Variants in CD8B observed in about 807,000 individuals in gnomAD.
CD8B encodes CD8 subunit beta.
Under a neutral mutation model 24.2 loss-of-function variants are expected in CD8B, and 6 were observed. The observed-to-expected ratio is 0.25, with a 90% CI of 0.14 to 0.49. CD8B has a LOEUF of 0.49. Ranked by LOEUF, CD8B falls within the 20% of genes least tolerant of loss-of-function variation. The probability of loss-of-function intolerance (pLI) is 0.98; values close to 1 mark genes in which losing one functional copy is unlikely to be tolerated. For missense variants in CD8B, 196 were observed against 271.3 expected (o/e 0.72, Z 1.95); for synonymous variants, 84 against 108.3 (o/e 0.78, Z 1.39).
intron 5 of CD8B, among the ~76,000 whole-genome samples, chr2:86,828,014 A>G (rs373062223): frequency 6.6e-6 from 1 of 152,158 alleles, no homozygotes; most frequent in African/African-American, 2.4e-5. Flanking sequence ...TATTTGAGTA[A>G]AGTCCTATCC....
chr2:86,846,461 C>T (rs1042038169), intron 4 of CD8B, among the ~76,000 whole-genome samples: 14 of 152,120 alleles, frequency 9.2e-5, no homozygotes, highest in East Asian at 5.8e-4. Flanking sequence ...GAAACAGCCA[C>T]GTTGCACTCA....
chr2:86,844,582 T>A (rs1412792076), intron 5 of CD8B: 11 of 1,351,732 alleles, frequency 8.1e-6, no homozygotes, highest in Non-Finnish European at 1.1e-5. Context: ...ACTGGTCAGG[T>A]TTTTGTTTGT....
chr2:86,858,426 G>T lies in CD8B; in HGVS notation c.44-10C>A, dbSNP rs941247728. The T allele has an allele frequency of 2.5e-6, 4 of 1,571,992 alleles. No individual in the cohort carries two copies. In the South Asian group the frequency reaches 3.6e-5, roughly 14 times the overall value. ...GAGTTGCCATGGAGAACTAGGAAAA[G>T]CCAAGAACAGAGACATCACACATTT... On this transcript the variant is annotated splice_polypyrimidine_tract_variant and intron_variant, in intron 1 of 5. Coordinates refer to ENST00000390655, the MANE Select transcript of CD8B (RefSeq NM_004931.5).
chr2:86,835,718 C>T (rs1210585771), downstream of CD8B, among the ~76,000 whole-genome samples: 3 of 150,852 alleles, frequency 2.0e-5, no homozygotes, highest in Non-Finnish European at 4.4e-5. Context: ...CCTCACCCAA[C>T]CGCAGAGACC....
At chr2:86,856,394 A>C (rs1428744043) in intron 2 of CD8B, among the ~76,000 whole-genome samples, 1 of 152,214 alleles carries the variant, frequency 6.6e-6, no homozygotes, top group Non-Finnish European at 1.5e-5. Flanking sequence ...CCCAAACCCC[A>C]AACTCCCAAA....
chr2:86,832,976 T>A (rs1313511049), intron 5 of CD8B: 1 of 76,716 alleles, frequency 1.3e-5, no homozygotes, highest in Non-Finnish European at 2.3e-5. Context: ...TCCCCTCCCC[T>A]CCCCTCCCCT....
At chr2:86,821,146 T>G (rs1417225340) in intron 5 of CD8B, among the ~76,000 whole-genome samples, 2 of 152,104 alleles carry the variant, frequency 1.3e-5, no homozygotes, top group African/African-American at 2.4e-5. Context: ...CTTTACTTTT[T>G]TTTTTTTTTT....
intron 5 of CD8B, among the ~76,000 whole-genome samples, chr2:86,821,141 C>CT (rs200332790): frequency 0.032 from 4,305 of 133,446 alleles, 115 homozygotes; most frequent in East Asian, 0.13. Context: ...ATCAACTTTA[C>CT]TTTTTTTTTT....
intron 3 of CD8B, among the ~76,000 whole-genome samples, chr2:86,851,575 A>G (rs961184073): frequency 6.6e-6 from 1 of 152,184 alleles, no homozygotes; most frequent in African/African-American, 2.4e-5. Flanking sequence ...ATGTGACGGC[A>G]GCTTCCCACC....
At chr2:86,837,835 C>T (rs1675241433), downstream of CD8B, among the ~76,000 whole-genome samples, 1 of 152,080 alleles carries the variant, frequency 6.6e-6, no homozygotes, top group Non-Finnish European at 1.5e-5. Flanking sequence ...CTCCCAGACC[C>T]ATTAAGGTCC....
intron 5 of CD8B, 124 bp from the exon 6 acceptor site, chr2:86,842,443 T>G: frequency 7.7e-7 from 1 of 1,293,992 alleles, no homozygotes. Context: ...GGGCCGAGAG[T>G]TTTTTGTTAG....
At position 86,842,025 on chromosome 2, in the gene CD8B, G is replaced by T; in HGVS notation, c.*282C>A. 1 of 1,189,774 alleles carries T rather than the reference G, an allele frequency of 8.4e-7. No homozygotes were observed. The highest frequency in any genetic ancestry group is 4.2e-5 in the East Asian group (1 of 24,096). 73.7% of individuals were successfully genotyped at this position (1,189,774 alleles called of 1,614,324 possible). A position where few individuals can be genotyped will look rare whatever the true frequency, so the allele number is the denominator to read the frequency against. ...CAGTTCAGGGAAAGCACAGGAGCCG[G>T]AAGCGGTGGCATGGGCAGCATTTCT... On this transcript the variant is annotated 3_prime_UTR_variant, in exon 6 of 6. Coordinates refer to ENST00000390655, the MANE Select transcript of CD8B (RefSeq NM_004931.5).
In CD8B at chr2:86,815,680, T is replaced by C. The variant is rs771961718; in HGVS notation, c.659A>G (p.Gln220Arg). The change falls in exon 6 of 6, where the codon CAA becomes CGA. Residue 220 changes from glutamine (Q) to arginine (R), a missense_variant. Gln to Arg is a conservative substitution (Grantham distance 43). Coordinates refer to the CD8B transcript ENST00000331469. ...ATTGCTGTAGTATCCATGCAGGCAT[T>C]GGGGGACAAAGGTTCCTGATATACC... 6.2e-6 allele frequency: 10 copies of C among 1,613,158 alleles called. No homozygotes were observed. In the East Asian group the frequency reaches 1.6e-4, roughly 25 times the overall value.
chr2:86,861,576 C>T (rs2104594091), intron 1 of CD8B, among the ~76,000 whole-genome samples: 1 of 152,318 alleles, frequency 6.6e-6, no homozygotes, highest in Admixed American at 6.5e-5. Context: ...CCTTCTCCTG[C>T]GTCCAGGCTT....
At chr2:86,835,138 G>C (rs1415392388), downstream of CD8B, among the ~76,000 whole-genome samples, 1 of 152,162 alleles carries the variant, frequency 6.6e-6, no homozygotes, top group Non-Finnish European at 1.5e-5. Context: ...AGATGGAACT[G>C]CCAGAGTGAG....
At chr2:86,833,743 T>C (rs1362982970), downstream of CD8B, among the ~76,000 whole-genome samples, 1 of 150,146 alleles carries the variant, frequency 6.7e-6, no homozygotes, top group African/African-American at 2.4e-5. Flanking sequence ...CTCAAACTTC[T>C]GGACTAAAGT....
chr2:86,851,820 G>T (rs969786934), intron 3 of CD8B, among the ~76,000 whole-genome samples: 6 of 152,108 alleles, frequency 3.9e-5, no homozygotes, highest in Admixed American at 6.5e-5. Flanking sequence ...CGTGTGCATG[G>T]GCATGTGTGT....
intron 2 of CD8B, among the ~76,000 whole-genome samples, chr2:86,857,649 A>G (rs1158141880): frequency 1.3e-5 from 2 of 152,096 alleles, no homozygotes; most frequent in African/African-American, 4.8e-5. Context: ...GAACCCGGGA[A>G]GCAGAGGCTG....
intron 5 of CD8B, chr2:86,822,236 A>T: frequency 8.5e-6 from 2 of 234,664 alleles, no homozygotes; most frequent in South Asian, 1.8e-4. Flanking sequence ...CCCCAGCAGG[A>T]AAAAAAAAAA....
Sources: allele counts gnomAD v4.1 joint callset (sites outside exome capture counted in the v4.1 genomes callset), GRCh38; gene constraint gnomAD v4.1.1; transcripts MANE v1.5; gene names NCBI Gene and HGNC (gene_info 2026-07-23, HGNC 2026-07-21).